The following CREBBP variants were observed in gnomAD, a reference collection of about 807,000 sequenced individuals.
CREBBP encodes CREB binding lysine acetyltransferase.
In CREBBP, 19 loss-of-function variants were observed where a neutral mutation model predicts 265.0. The ratio of observed to expected loss-of-function variants is 0.07; its 90% CI spans 0.05 to 0.11. The LOEUF is 0.11. CREBBP is among the 10% of genes least tolerant of loss of function. The pLI is 1.00. For missense variants in CREBBP, 2,525 were observed against 3,219.0 expected, an observed-to-expected ratio of 0.78 and a Z score of 5.22; for synonymous variants, 1,457 against 1,223.7, an observed-to-expected ratio of 1.19 and a Z score of -3.98.
chr16:3,758,829 A>T, intron 17 of CREBBP, 25 bp downstream of exon 17: 1 of 1,529,302 alleles, frequency 6.5e-7, no homozygotes. Context: ...GCAAAGTTAT[A>T]ATCTATTTTT....
intron 8 of CREBBP, among the ~76,000 whole-genome samples, chr16:3,779,079 A>T (rs973273251): frequency 2.0e-5 from 3 of 151,356 alleles, no homozygotes; most frequent in African/African-American, 7.3e-5. Flanking sequence ...AGGCAAGAGA[A>T]TTGCTTGAAC....
chr16:3,738,455 A>T (rs2052124625), intron 26 of CREBBP, 104 bp downstream of exon 26: 2 of 779,040 alleles, frequency 2.6e-6, no homozygotes, highest in Admixed American at 2.1e-5. Context: ...AGGATGGAAA[A>T]ATAAAAACGC....
At chr16:3,832,879 T>TAAAAA (rs1409499761) in intron 2 of CREBBP, among the ~76,000 whole-genome samples, 1 of 151,604 alleles carries the variant, frequency 6.6e-6, no homozygotes, top group Non-Finnish European at 1.5e-5. Flanking sequence ...CAGAAAGACG[T>TAAAAA]AATTCACATT....
intron 16 of CREBBP, chr16:3,767,446 G>T: frequency 1.8e-6 from 1 of 558,962 alleles, no homozygotes; most frequent in Non-Finnish European, 3.2e-6. Flanking sequence ...TTTCAACTCG[G>T]CCCCTGCCAG....
At chr16:3,848,885 CA>C (rs1225334353) in intron 2 of CREBBP, among the ~76,000 whole-genome samples, 3 of 152,118 alleles carry the variant, frequency 2.0e-5, no homozygotes, top group African/African-American at 7.2e-5. Flanking sequence ...ACTAACATTT[CA>C]AAAAAGACAA....
chr16:3,850,520 T>TTAC lies in CREBBP; in HGVS notation c.572_574dup (p.Ser191dup), dbSNP rs775101257. 6.2e-7 allele frequency: 1 copy of TTAC among 1,614,096 alleles called. No individual in the cohort carries two copies. Among genetic ancestry groups the TTAC allele is most frequent in the Non-Finnish European group, 8.5e-7 (1 of 1,180,012 alleles). On this transcript the variant is annotated inframe_insertion, in exon 2 of 31. Coordinates refer to ENST00000262367, the MANE Select transcript of CREBBP (RefSeq NM_004380.3). ...CTGATTAATTAAGCTATGGCCAGAG[T>TTAC]TACTATTGAGGAGGCCTGGGTGGGT...
At chr16:3,755,708 A>C (rs2052570368) in intron 19 of CREBBP, among the ~76,000 whole-genome samples, 1 of 152,210 alleles carries the variant, frequency 6.6e-6, no homozygotes, top group Non-Finnish European at 1.5e-5. Flanking sequence ...GGAAGGGGCT[A>C]TGGTATCATT....
At chr16:3,764,007 G>C (rs1325052325) in intron 16 of CREBBP, among the ~76,000 whole-genome samples, 2 of 151,660 alleles carry the variant, frequency 1.3e-5, no homozygotes, top group African/African-American at 4.8e-5. Flanking sequence ...GCCACACCCA[G>C]CTAAAAAGCA....
chr16:3,808,290 G>A (rs1346297352), intron 3 of CREBBP, among the ~76,000 whole-genome samples: 5 of 152,242 alleles, frequency 3.3e-5, no homozygotes, highest in African/African-American at 9.6e-5. Context: ...CAGTTCTCCA[G>A]AGCAGGAGTT....
At chr16:3,747,640 T>G (rs1222010234) in intron 21 of CREBBP, among the ~76,000 whole-genome samples, 1 of 152,182 alleles carries the variant, frequency 6.6e-6, no homozygotes, top group Non-Finnish European at 1.5e-5. Context: ...ACCTACTACT[T>G]GAATGTAATA....
At chr16:3,795,144 A>G (rs1775794585) in intron 3 of CREBBP, among the ~76,000 whole-genome samples, 1 of 152,176 alleles carries the variant, frequency 6.6e-6, no homozygotes, top group South Asian at 2.1e-4. Context: ...GACCCAAAGC[A>G]ATTCTGAGAA....
intron 1 of CREBBP, among the ~76,000 whole-genome samples, chr16:3,879,263 A>C (rs2055470840): frequency 7.0e-6 from 1 of 143,284 alleles, no homozygotes; most frequent in African/African-American, 2.7e-5. Flanking sequence ...CACACACACA[A>C]AACAAGGAGT....
chr16:3,832,894 G>C, intron 2 of CREBBP, among the ~76,000 whole-genome samples: 1 of 143,998 alleles, frequency 6.9e-6, no homozygotes, highest in East Asian at 2.0e-4. Context: ...CACATTCAAA[G>C]AAAAAAAAAA....
chr16:3,867,528 A>C (rs1371006330), intron 1 of CREBBP, among the ~76,000 whole-genome samples: 1 of 152,154 alleles, frequency 6.6e-6, no homozygotes, highest in African/African-American at 2.4e-5. Context: ...ATTCCTATTT[A>C]TATAACATAG....
intron 21 of CREBBP, among the ~76,000 whole-genome samples, chr16:3,748,034 G>C (rs796815856): frequency 6.6e-6 from 1 of 152,234 alleles, no homozygotes; most frequent in Non-Finnish European, 1.5e-5. Flanking sequence ...AGGTTGCGGT[G>C]AGCTGAGATT....
chr16:3,772,165 G>A (rs1596890562), intron 13 of CREBBP, among the ~76,000 whole-genome samples: 1 of 148,320 alleles, frequency 6.7e-6, no homozygotes, highest in Admixed American at 6.6e-5. Flanking sequence ...CATTTTCTAA[G>A]CTTAGCTTAG....
At chr16:3,833,109 T>C (rs1348461266) in intron 2 of CREBBP, among the ~76,000 whole-genome samples, 15 of 152,208 alleles carry the variant, frequency 9.9e-5, no homozygotes, top group Admixed American at 9.8e-4. Flanking sequence ...ACACTGTCAT[T>C]GGTTTTATTA....
At chr16:3,863,457 G>C (rs2055117075) in intron 1 of CREBBP, among the ~76,000 whole-genome samples, 1 of 152,060 alleles carries the variant, frequency 6.6e-6, no homozygotes, top group African/African-American at 2.4e-5. Context: ...ACAAAAATTA[G>C]CTGAGCGTGG....
intron 30 of CREBBP, chr16:3,730,514 G>A (rs2051885867): frequency 6.3e-6 from 1 of 158,458 alleles, no homozygotes; most frequent in South Asian, 1.9e-4. Flanking sequence ...TACCATGACT[G>A]TGTTCACAAA....
Sources: gnomAD v4.1 joint callset for allele counts (sites outside exome capture counted in the v4.1 genomes callset) on GRCh38, gnomAD v4.1.1 for gene constraint, MANE v1.5 for transcripts, NCBI Gene and HGNC (gene_info 2026-07-23, HGNC 2026-07-21) for gene names.